The following PLEKHA2 variants were observed in gnomAD, a reference collection of about 807,000 sequenced individuals.
The protein encoded by PLEKHA2 is pleckstrin homology domain-containing family A member 2.
PLEKHA2 carries 28 observed loss-of-function variants against 53.2 expected under a neutral mutation model. The observed-to-expected ratio is 0.53, with a 90% CI of 0.39 to 0.72. The LOEUF is 0.72. Ranked by LOEUF, PLEKHA2 falls within the 30% of genes least tolerant of loss-of-function variation. The probability of loss-of-function intolerance (pLI) is 0.00; values close to 1 mark genes in which losing one functional copy is unlikely to be tolerated. For synonymous variants in PLEKHA2, 193 were observed against 196.4 expected, an observed-to-expected ratio of 0.98 and a Z score of 0.14; for missense variants, 426 against 537.9, an observed-to-expected ratio of 0.79 and a Z score of 2.06.
chr8:38,950,945 G>C lies in PLEKHA2; in HGVS notation c.441G>C (p.Lys147Asn). 1 of 1,614,002 alleles carries C rather than the reference G, an allele frequency of 6.2e-7. No individual in the cohort carries two copies. The highest frequency in any genetic ancestry group is 8.5e-7 in the Non-Finnish European group (1 of 1,179,880). The change falls in exon 6 of 12, where the codon AAG becomes AAC. Residue 147 changes from lysine (K) to asparagine (N), a missense_variant. Lys to Asn is a moderately conservative substitution (Grantham distance 94). Coordinates refer to ENST00000617275, the MANE Select transcript of PLEKHA2 (RefSeq NM_021623.2). ...ALEKKPQVAY[K>N]TEIIGGVVVH... is the part of the protein sequence containing the mutation. ...AGAAGAAGCCACAGGTGGCCTACAA[G>C]ACGGAGATCATTGGAGGGGTGGTGG...
At chr8:38,911,715 C>T (rs1369560383) in intron 1 of PLEKHA2, among the ~76,000 whole-genome samples, 1 of 152,196 alleles carries the variant, frequency 6.6e-6, no homozygotes, top group African/African-American at 2.4e-5. Flanking sequence ...TGGCTCATGC[C>T]TATAATCCCA....
At chr8:38,904,457 G>A (rs1271456123) in intron 1 of PLEKHA2, among the ~76,000 whole-genome samples, 1 of 152,222 alleles carries the variant, frequency 6.6e-6, no homozygotes, top group East Asian at 1.9e-4. Flanking sequence ...GTTAAAGTGC[G>A]AAGGCTGGGA....
chr8:38,916,084 TCCTA>T (rs1834055150), intron 1 of PLEKHA2, among the ~76,000 whole-genome samples: 2 of 152,268 alleles, frequency 1.3e-5, no homozygotes, highest in South Asian at 4.1e-4. Flanking sequence ...CAAGCGATTC[TCCTA>T]CCTCAGCCTC....
At chr8:38,938,396 A>C (rs1388777312) in intron 3 of PLEKHA2, among the ~76,000 whole-genome samples, 1 of 152,176 alleles carries the variant, frequency 6.6e-6, no homozygotes, top group African/African-American at 2.4e-5. Context: ...TTGTGGGGCA[A>C]GGTCACCCCC....
intron 3 of PLEKHA2, 29 bp downstream of exon 3, chr8:38,936,079 C>T: frequency 6.2e-7 from 1 of 1,607,012 alleles, no homozygotes; most frequent in Non-Finnish European, 8.5e-7. Flanking sequence ...TCTGGGAATT[C>T]ATGCTCTGTA....
intron 2 of PLEKHA2, among the ~76,000 whole-genome samples, chr8:38,934,936 A>C (rs1259179059): frequency 6.6e-6 from 1 of 152,148 alleles, no homozygotes; most frequent in Admixed American, 6.6e-5. Context: ...CACTCACAAA[A>C]ACTATAACAG....
At chr8:38,965,776 T>C (rs1202518629) in intron 10 of PLEKHA2, among the ~76,000 whole-genome samples, 1 of 152,138 alleles carries the variant, frequency 6.6e-6, no homozygotes, top group Non-Finnish European at 1.5e-5. Flanking sequence ...TAAGGCTTCA[T>C]TTTTTTGTCG....
At chr8:38,925,577 C>T (rs1317761195) in intron 2 of PLEKHA2, among the ~76,000 whole-genome samples, 1 of 152,146 alleles carries the variant, frequency 6.6e-6, no homozygotes, top group East Asian at 1.9e-4. Context: ...ATCAAATAAC[C>T]AAAAAGATTG....
rs1034850450 is a variant in PLEKHA2, at chr8:38,971,412, C to T, written c.*1629C>T. The T allele has an allele frequency of 2.0e-5, 3 of 152,524 alleles. No individual in the cohort carries two copies. Among genetic ancestry groups the T allele is most frequent in the African/African-American group, 4.8e-5 (2 of 41,368 alleles). The allele number at this position is 152,524 out of a possible 1,614,324, so 9.4% of individuals were successfully genotyped here. A position where few individuals can be genotyped will look rare whatever the true frequency, so the allele number is the denominator to read the frequency against. On this transcript the variant is annotated 3_prime_UTR_variant, in exon 12 of 12. Coordinates refer to ENST00000617275, the MANE Select transcript of PLEKHA2 (RefSeq NM_021623.2). ...GATCGAGGTTATGACATACTTGGAG[C>T]GGCATGATTTCAAGAAGCCATTCCA...
At chr8:38,930,846 C>G (rs565457648) in intron 2 of PLEKHA2, among the ~76,000 whole-genome samples, 1 of 152,230 alleles carries the variant, frequency 6.6e-6, no homozygotes, top group Non-Finnish European at 1.5e-5. Context: ...GCAGGACCAG[C>G]TGGTGCCTAC....
chr8:38,941,352 G>A (rs1473657634), intron 3 of PLEKHA2, among the ~76,000 whole-genome samples: 1 of 152,124 alleles, frequency 6.6e-6, no homozygotes, highest in Non-Finnish European at 1.5e-5. Flanking sequence ...CACTGTGCCC[G>A]GCCTGGTACC....
At chr8:38,940,659 G>GC (rs891212343) in intron 3 of PLEKHA2, among the ~76,000 whole-genome samples, 2 of 100,472 alleles carry the variant, frequency 2.0e-5, no homozygotes, top group African/African-American at 7.5e-5. Flanking sequence ...GCGGGGGGGG[G>GC]GGGTCAGAAA....
At chr8:38,918,731 C>A (rs937240625) in intron 2 of PLEKHA2, among the ~76,000 whole-genome samples, 9 of 147,418 alleles carry the variant, frequency 6.1e-5, no homozygotes, top group Non-Finnish European at 1.2e-4. Flanking sequence ...CACATGCAGA[C>A]ACATGCGCAC....
intron 4 of PLEKHA2, among the ~76,000 whole-genome samples, chr8:38,944,439 C>T (rs992697951): frequency 1.3e-5 from 2 of 151,846 alleles, no homozygotes; most frequent in Non-Finnish European, 1.5e-5. Context: ...ATCTCTTGAA[C>T]CCAGGAGGCG....
chr8:38,968,595 G>A lies in PLEKHA2; in HGVS notation c.841G>A (p.Asp281Asn), dbSNP rs1209165968. Residue 281 changes from aspartate to asparagine, a missense_variant, in exon 11 of 12, where the codon GAC becomes AAC. Transcript: ENST00000617275. ...TSSRTFYVQA[D>N]SPEDMHSWIK... Reference sequence around the variant, plus strand: ...AAGAGCCATGGATGTTTTGCAGGCAGACAGTCCAGAAGACATGCACAGCTG... The same window carrying A: ...AAGAGCCATGGATGTTTTGCAGGCAAACAGTCCAGAAGACATGCACAGCTG... The A allele has an allele frequency of 3.1e-6, 5 of 1,613,832 alleles. No homozygotes were observed. The highest frequency in any genetic ancestry group is 3.3e-5 in the Admixed American group (2 of 59,988).
chr8:38,960,884 C>T (rs1237802719), intron 10 of PLEKHA2: 3 of 152,162 alleles, frequency 2.0e-5, no homozygotes, highest in Non-Finnish European at 2.9e-5. Context: ...CATTAAAATC[C>T]ATTGGTCAAT....
At chr8:38,946,763 A>T (rs1834723077) in intron 5 of PLEKHA2, among the ~76,000 whole-genome samples, 1 of 152,192 alleles carries the variant, frequency 6.6e-6, no homozygotes, top group African/African-American at 2.4e-5. Context: ...CTAATGAAGA[A>T]TTCCTTTCTT....
At chr8:38,945,233 A>C (rs936422096) in intron 4 of PLEKHA2, among the ~76,000 whole-genome samples, 14 of 152,224 alleles carry the variant, frequency 9.2e-5, no homozygotes, top group Admixed American at 7.2e-4. Context: ...GTGGTTCTGA[A>C]TGTAAGTTTC....
chr8:38,942,604 T>G (rs1834632572), intron 3 of PLEKHA2, among the ~76,000 whole-genome samples: 1 of 152,184 alleles, frequency 6.6e-6, no homozygotes, highest in African/African-American at 2.4e-5. Context: ...GTCCCCGGCC[T>G]AGGACCCATG....
Sources: allele counts gnomAD v4.1 joint callset (sites outside exome capture counted in the v4.1 genomes callset), GRCh38; gene constraint gnomAD v4.1.1; transcripts MANE v1.5; gene names NCBI Gene and HGNC (gene_info 2026-07-23, HGNC 2026-07-21).